SAMD7: variants seen among roughly 807,000 people sequenced by gnomAD.
SAMD7 encodes the protein sterile alpha motif domain containing 7.
In SAMD7, 34 loss-of-function variants were observed where a neutral mutation model predicts 36.7. That is an observed-to-expected ratio of 0.93 (90% CI 0.71 to 1.23). The LOEUF is 1.23. SAMD7 is among the 50% of genes most tolerant of loss of function. SAMD7 has a pLI of 0.00. For synonymous variants in SAMD7, 188 were observed against 189.7 expected (o/e 0.99, Z 0.07); for missense variants, 570 against 546.6 (o/e 1.04, Z -0.43).
rs751572209 is a variant in SAMD7, at chr3:169,926,920, G to A, written c.658G>A (p.Glu220Lys). The change falls in exon 6 of 9, where the codon GAG (glutamate) becomes AAG (lysine). Residue 220 changes from glutamate (E) to lysine (K), a missense_variant. Transcript: ENST00000335556. ...LGQTHAVPYE[E>K]DHYAKDPDIE... ...TCAGACTCATGCAGTTCCCTATGAAGAGGATCATTATGCAAAAGACCCAGA... is the reference window on the plus strand; with the variant it reads ...TCAGACTCATGCAGTTCCCTATGAAAAGGATCATTATGCAAAAGACCCAGA... The A allele has an allele frequency of 6.2e-7, 1 of 1,613,896 alleles. No individual in the cohort carries two copies. The highest frequency in any genetic ancestry group is 2.2e-5 in the East Asian group (1 of 44,850).
intron 5 of SAMD7, among the ~76,000 whole-genome samples, chr3:169,925,651 G>C (rs1239122296): frequency 1.3e-5 from 2 of 152,128 alleles, no homozygotes; most frequent in Non-Finnish European, 2.9e-5. Flanking sequence ...GCTTGAACCT[G>C]GGAGGAGGAG....
intron 5 of SAMD7, chr3:169,926,251 G>A: frequency 7.5e-7 from 1 of 1,340,374 alleles, no homozygotes; most frequent in Non-Finnish European, 9.8e-7. Flanking sequence ...GGTTTTTTGA[G>A]GATTAATCTC....
chr3:169,937,097 G>A (rs1455418379), intron 8 of SAMD7, among the ~76,000 whole-genome samples: 1 of 152,046 alleles, frequency 6.6e-6, no homozygotes, highest in Non-Finnish European at 1.5e-5. Flanking sequence ...TAATAATGAT[G>A]TATTTAACAA....
intron 3 of SAMD7, among the ~76,000 whole-genome samples, chr3:169,920,390 C>T (rs1188272499): frequency 6.6e-6 from 1 of 152,130 alleles, no homozygotes; most frequent in Non-Finnish European, 1.5e-5. Flanking sequence ...GAAAGGGATC[C>T]CTGGTATCTC....
intron 7 of SAMD7, chr3:169,932,566 C>A: frequency 1.9e-6 from 1 of 530,632 alleles, no homozygotes. Context: ...TGTTGAGCCC[C>A]TTCCTAACTG....
At chr3:169,919,185 T>C (rs867380999) in intron 2 of SAMD7, among the ~76,000 whole-genome samples, 3 of 152,266 alleles carry the variant, frequency 2.0e-5, no homozygotes, top group Middle Eastern at 3.4e-3. Context: ...GACGTTGGTA[T>C]TTCTGGAATC....
intron 2 of SAMD7, among the ~76,000 whole-genome samples, chr3:169,917,656 T>TATTTATTTATTC (rs1712866771): frequency 6.6e-6 from 1 of 150,986 alleles, no homozygotes; most frequent in African/African-American, 2.4e-5. Flanking sequence ...TTTATTTATT[T>TATTTATTTATTC]TTTGAGACGG....
chr3:169,921,162 G>T (rs1236291874), intron 3 of SAMD7, 52 bp from the exon 4 acceptor site: 2 of 1,550,980 alleles, frequency 1.3e-6, no homozygotes, highest in African/African-American at 1.4e-5. Context: ...CATGGAAATT[G>T]TGTACTCCAA....
chr3:169,928,202 G>A (rs1713352048), intron 6 of SAMD7, among the ~76,000 whole-genome samples: 1 of 152,206 alleles, frequency 6.6e-6, no homozygotes, highest in East Asian at 1.9e-4. Context: ...GGGCATTTCT[G>A]TTGTAATCTG....
chr3:169,920,980 C>T (rs1713017327), intron 3 of SAMD7, among the ~76,000 whole-genome samples: 1 of 152,152 alleles, frequency 6.6e-6, no homozygotes, highest in Admixed American at 6.5e-5. Context: ...ACTTTCCTTT[C>T]CTGCTTTCTC....
chr3:169,938,696 A>G lies in SAMD7; in HGVS notation c.*190A>G. 1.1e-5 allele frequency: 5 copies of G among 437,536 alleles called. No individual in the cohort carries two copies. Among genetic ancestry groups the G allele is most frequent in the Non-Finnish European group, 2.0e-5 (5 of 249,546 alleles). 27.1% of individuals were successfully genotyped at this position (437,536 alleles called of 1,614,324 possible). A position where few individuals can be genotyped will look rare whatever the true frequency, so the allele number is the denominator to read the frequency against. The stretch of plus-strand genomic sequence containing the variant: ...GGCTGAATGACCCCAGCACCAAATG[A>G]CTGGAGACGCATCCTTAGGAGCAAA... On this transcript the variant is annotated 3_prime_UTR_variant, in exon 9 of 9. Transcript: ENST00000335556.
At chr3:169,935,275 G>A (rs574212448) in intron 7 of SAMD7, among the ~76,000 whole-genome samples, 2 of 152,102 alleles carry the variant, frequency 1.3e-5, no homozygotes, top group Non-Finnish European at 2.9e-5. Context: ...AAATCCCAAT[G>A]GGAAAGAGCC....
intron 2 of SAMD7, among the ~76,000 whole-genome samples, chr3:169,917,516 A>G (rs1351827447): frequency 2.0e-5 from 3 of 152,166 alleles, no homozygotes; most frequent in Non-Finnish European, 4.4e-5. Flanking sequence ...AATACAGTGC[A>G]TAATAATCAC....
Position 169,928,060 on chromosome 3 carries a change from CAACT to C in SAMD7, c.920-396_920-393del, listed in dbSNP as rs1158511526. On this transcript the variant is annotated intron_variant, in intron 6 of 8. Coordinates refer to ENST00000335556, the MANE Select transcript of SAMD7 (RefSeq NM_001304366.2). ...AGGGCATGTAATACAGCCACCATAC[CAACT>C]GTTTCCCTACAAAGTGTTAATTTGC... Among the ~76,000 whole-genome samples the C allele has an allele frequency of 2.0e-5, 3 of 152,232 alleles. No individual in the cohort carries two copies. In the East Asian group the frequency reaches 5.8e-4, roughly 29 times the overall value.
rs764052597 is a variant in SAMD7 at position 169,919,531 on chromosome 3, G to T, written c.33G>T (p.Gly11=). The change falls in exon 3 of 9, where the codon GGG becomes GGT. Residue 11 remains glycine, a synonymous_variant. Transcript: ENST00000335556. MAVNPLLTPT[G]QQTIPLIPSP... is the part of the protein sequence containing the mutation. ...TGAACCCTTTATTGACACCAACAGGGCAGCAGACAATCCCACTGATCCCCT... is the reference window on the plus strand; with the variant it reads ...TGAACCCTTTATTGACACCAACAGGTCAGCAGACAATCCCACTGATCCCCT... 2 of 1,614,152 alleles carry T rather than the reference G, an allele frequency of 1.2e-6. No homozygotes were observed. Among genetic ancestry groups the T allele is most frequent in the Non-Finnish European group, 1.7e-6 (2 of 1,180,006 alleles).
intron 5 of SAMD7, 194 bp from the exon 6 acceptor site, chr3:169,926,359 T>C (rs1402907018): frequency 4.1e-6 from 5 of 1,234,306 alleles, no homozygotes; most frequent in Non-Finnish European, 5.4e-6. Flanking sequence ...TGGACTTCCA[T>C]TGTGAGACTC....
At chr3:169,927,765 T>G (rs1159552535) in intron 6 of SAMD7, among the ~76,000 whole-genome samples, 2 of 152,114 alleles carry the variant, frequency 1.3e-5, no homozygotes, top group African/African-American at 4.8e-5. Context: ...ATAATAGAAT[T>G]TTAATTTAAG....
In SAMD7 at chr3:169,927,029, A is replaced by G; in HGVS notation, c.767A>G (p.Glu256Gly). 1 of 1,612,792 alleles carries G rather than the reference A, an allele frequency of 6.2e-7. No homozygotes were observed. The highest frequency in any genetic ancestry group is 1.1e-5 in the South Asian group (1 of 90,998). Residue 256 changes from glutamate (E) to glycine (G), a missense_variant, in exon 6 of 9, where the codon GAG becomes GGG. Physicochemically the swap from Glu to Gly is moderately conservative, Grantham distance 98. Transcript: ENST00000335556. ...CTTGCCAACACCTGTGGAGAGCTCGAGCCCACCCATAGGAAACCCTGGGGG... is the reference window on the plus strand; with the variant it reads ...CTTGCCAACACCTGTGGAGAGCTCGGGCCCACCCATAGGAAACCCTGGGGG... The part of the protein sequence containing the change: ...TALANTCGEL[E>G]PTHRKPWGSH...
chr3:169,929,909 T>C, intron 7 of SAMD7, among the ~76,000 whole-genome samples: 1 of 152,184 alleles, frequency 6.6e-6, no homozygotes, highest in Non-Finnish European at 1.5e-5. Context: ...AAATTAGTCA[T>C]TAGTCATGGG....
Sources: allele counts gnomAD v4.1 joint callset (sites outside exome capture counted in the v4.1 genomes callset), GRCh38; gene constraint gnomAD v4.1.1; transcripts MANE v1.5; gene names NCBI Gene and HGNC (gene_info 2026-07-23, HGNC 2026-07-21).